ACTN4: variants seen among roughly 807,000 people sequenced by gnomAD.
ACTN4 encodes actinin alpha 4.
In ACTN4, 18 loss-of-function variants were observed where a neutral mutation model predicts 114.2. The ratio of observed to expected loss-of-function variants is 0.16; its 90% CI spans 0.11 to 0.23. The LOEUF is 0.23. ACTN4 is among the 10% of genes least tolerant of loss of function. The pLI is 1.00. For synonymous variants in ACTN4, 515 were observed against 506.3 expected (o/e 1.02, Z -0.23); for missense variants, 722 against 1,262.9 (o/e 0.57, Z 6.49).
At chr19:38,702,844 C>T (rs1480541565) in intron 3 of ACTN4, among the ~76,000 whole-genome samples, 1 of 152,194 alleles carries the variant, frequency 6.6e-6, no homozygotes, top group East Asian at 1.9e-4. Context: ...TTCTCTGTGA[C>T]CTCTCCACCT....
intron 1 of ACTN4, among the ~76,000 whole-genome samples, chr19:38,695,747 A>G (rs1968071654): frequency 6.6e-6 from 1 of 151,824 alleles, no homozygotes; most frequent in South Asian, 2.1e-4. Context: ...CCTCATTTTT[A>G]TCTTATTAAC....
chr19:38,673,707 ATT>A (rs1967272441), intron 1 of ACTN4, among the ~76,000 whole-genome samples: 2 of 83,910 alleles, frequency 2.4e-5, no homozygotes, highest in African/African-American at 9.3e-5. Context: ...ATATTTATAT[ATT>A]TATATATTTA....
intron 1 of ACTN4, among the ~76,000 whole-genome samples, chr19:38,680,118 C>G (rs1420323681): frequency 6.6e-6 from 1 of 151,934 alleles, no homozygotes; most frequent in Non-Finnish European, 1.5e-5. Context: ...ATGCATCTCT[C>G]TCCCCTATCA....
At chr19:38,708,615 C>G (rs2145025098) in intron 6 of ACTN4, among the ~76,000 whole-genome samples, 1 of 152,350 alleles carries the variant, frequency 6.6e-6, no homozygotes, top group Non-Finnish European at 1.5e-5. Flanking sequence ...CTGTATGGAT[C>G]CAGGCCCTGG....
intron 9 of ACTN4, among the ~76,000 whole-genome samples, chr19:38,716,493 C>T (rs1264983242): frequency 6.6e-6 from 1 of 152,090 alleles, no homozygotes; most frequent in Non-Finnish European, 1.5e-5. Flanking sequence ...TTGGCGGGGG[C>T]ATGGGAGTGG....
At chr19:38,683,925 G>C (rs1967657202) in intron 1 of ACTN4, 1 of 152,258 alleles carries the variant, frequency 6.6e-6, no homozygotes, top group South Asian at 2.1e-4. Flanking sequence ...ATCTGCCAAG[G>C]ACCTCCTGGG....
intron 1 of ACTN4, among the ~76,000 whole-genome samples, chr19:38,654,146 G>A (rs1976644679): frequency 6.6e-6 from 1 of 152,188 alleles, no homozygotes; most frequent in Non-Finnish European, 1.5e-5. Flanking sequence ...GCATCAAGGA[G>A]TGTAACTTTC....
At chr19:38,662,367 G>A (rs931468102) in intron 1 of ACTN4, among the ~76,000 whole-genome samples, 1 of 152,160 alleles carries the variant, frequency 6.6e-6, no homozygotes, top group African/African-American at 2.4e-5. Flanking sequence ...GATTCTCTCA[G>A]CCTTAGCACT....
rs1399617716 is a variant in ACTN4, at chr19:38,717,846, C to T, written c.1144-81C>T. The T allele has an allele frequency of 6.5e-7, 1 of 1,537,264 alleles. No homozygotes were observed. Among genetic ancestry groups the T allele is most frequent in the African/African-American group, 1.4e-5 (1 of 72,776 alleles). On this transcript the variant is annotated intron_variant, in intron 10 of 20. Transcript: ENST00000252699. This position sits in a 1 kb window ranked among gnomAD's most constrained non-coding sequence, Gnocchi z 4.0. Reference sequence around the variant, plus strand: ...GACCCCAGCCAAGTTCTGCCACCTTCCCATCAGCATCCCTTGGAGACATCC... The same window carrying T: ...GACCCCAGCCAAGTTCTGCCACCTTTCCATCAGCATCCCTTGGAGACATCC...
At chr19:38,661,777 C>G (rs955513546) in intron 1 of ACTN4, among the ~76,000 whole-genome samples, 1 of 152,276 alleles carries the variant, frequency 6.6e-6, no homozygotes, top group South Asian at 2.1e-4. Flanking sequence ...CTCAGCCTCC[C>G]GAGTAGCTGG....
At chr19:38,695,973 G>A (rs10421560) in intron 1 of ACTN4, among the ~76,000 whole-genome samples, 53,999 of 151,710 alleles carry the variant, frequency 0.36, 11,509 homozygotes, top group Non-Finnish European at 0.47. Context: ...ACTGATGGGA[G>A]CAAGCCACTT....
At position 38,724,352 on chromosome 19, in the gene ACTN4, C is replaced by T. The variant is rs1251164736; in HGVS notation, c.1875+13C>T. ...CAAGTGGGAGAAGGTGGGCCGGGGC[C>T]ATCCGTAGGGGCTGGGGCAGGACGG... On this transcript the variant is annotated intron_variant, in intron 15 of 20. Coordinates refer to ENST00000252699, the MANE Select transcript of ACTN4 (RefSeq NM_004924.6). The surrounding 1 kb of genome is among the most constrained non-coding windows in gnomAD (Gnocchi z 7.0). 6.2e-7 allele frequency: 1 copy of T among 1,613,084 alleles called. No homozygotes were observed. The highest frequency in any genetic ancestry group is 8.5e-7 in the Non-Finnish European group (1 of 1,179,890).
At chr19:38,706,259 C>T in intron 5 of ACTN4, 128 bp downstream of exon 5, 1 of 966,368 alleles carries the variant, frequency 1.0e-6, no homozygotes, top group Non-Finnish European at 1.6e-6. Flanking sequence ...CCCTCCCTGG[C>T]CACGGGCCCT....
intron 1 of ACTN4, among the ~76,000 whole-genome samples, chr19:38,650,306 G>C: frequency 6.6e-6 from 1 of 152,032 alleles, no homozygotes; most frequent in Non-Finnish European, 1.5e-5. Context: ...TGTGGGCTTT[G>C]TTCGTGGTTA....
chr19:38,649,845 T>C (rs926644826), intron 1 of ACTN4, among the ~76,000 whole-genome samples: 1 of 151,908 alleles, frequency 6.6e-6, no homozygotes, highest in Non-Finnish European at 1.5e-5. Context: ...GGGCATAACC[T>C]TGGGTCCATT....
In ACTN4 at chr19:38,731,001, A is replaced by C. The variant is rs758046516; in HGVS notation, c.*1569A>C. The C allele has an allele frequency of 4.8e-5, 75 of 1,551,930 alleles. No homozygotes were observed. Among genetic ancestry groups the C allele is most frequent in the Admixed American group, 1.8e-4 (9 of 51,206 alleles). On this transcript the variant is annotated 3_prime_UTR_variant, in exon 21 of 21. Transcript: ENST00000252699. ...TCAGGCAGATGACCCCCTCACCCCC[A>C]TCCAGGTGCTGGCTGCAGTGGCCTG...
rs555797408 is a variant in ACTN4, at chr19:38,672,426, A to T, written c.162+24519A>T. On this transcript the variant is annotated intron_variant, in intron 1 of 20. Transcript: ENST00000252699. ...TGGCTAATTTTTGTATTTTTAGTAG[A>T]GACGTGGTTTCTCCATGTTGGCCAG... Among the ~76,000 whole-genome samples, 48 of 151,046 alleles carry T rather than the reference A, an allele frequency of 3.2e-4. 1 individual carries two copies. In the South Asian group the frequency reaches 9.8e-3, roughly 31 times the overall value.
chr19:38,674,490 G>A (rs778825004), intron 1 of ACTN4, among the ~76,000 whole-genome samples: 2 of 152,180 alleles, frequency 1.3e-5, no homozygotes, highest in Non-Finnish European at 2.9e-5. Context: ...GTGGAATGCC[G>A]TGGAGCATAT....
chr19:38,706,824 C>G (rs1968475552), intron 5 of ACTN4, among the ~76,000 whole-genome samples: 1 of 152,340 alleles, frequency 6.6e-6, no homozygotes, highest in South Asian at 2.1e-4. Context: ...GATGAACAAG[C>G]CTCAGCTCCA....
Sources: gnomAD v4.1 joint callset for allele counts (sites outside exome capture counted in the v4.1 genomes callset) on GRCh38, gnomAD v4.1.1 for gene constraint, Gnocchi (gnomAD v3.1) non-coding constraint, MANE v1.5 for transcripts, NCBI Gene and HGNC (gene_info 2026-07-23, HGNC 2026-07-21) for gene names.